Variants in ZCCHC7 observed in about 807,000 individuals in gnomAD.
ZCCHC7 encodes zinc finger CCHC-type containing 7, also known as zinc finger CCHC domain-containing protein 7.
A neutral mutation model predicts 52.0 loss-of-function variants in ZCCHC7; 35 were observed. The observed-to-expected ratio is 0.67, with a 90% confidence interval of 0.51 to 0.89. The LOEUF is 0.89. ZCCHC7 is among the 40% of genes least tolerant of loss of function. The pLI, the probability that ZCCHC7 is intolerant of heterozygous loss-of-function variation, is 0.00. For synonymous variants in ZCCHC7, 217 were observed against 221.5 expected (o/e 0.98, Z 0.18); for missense variants, 574 against 649.1 (o/e 0.88, Z 1.26).
intron 5 of ZCCHC7, among the ~76,000 whole-genome samples, chr9:37,306,849 A>C (rs1384529905): frequency 9.0e-6 from 1 of 111,674 alleles, no homozygotes; most frequent in East Asian, 3.0e-4. Context: ...GTGCAGTGGC[A>C]TGATCTTGGC....
intron 2 of ZCCHC7, among the ~76,000 whole-genome samples, chr9:37,296,645 G>A (rs1231045649): frequency 6.6e-6 from 1 of 151,430 alleles, no homozygotes; most frequent in Non-Finnish European, 1.5e-5. Flanking sequence ...TAGGCACACA[G>A]ATTATTTGGG....
chr9:37,316,868 C>CTTTTTTTT (rs34953424), intron 5 of ZCCHC7, among the ~76,000 whole-genome samples: 1 of 140,284 alleles, frequency 7.1e-6, no homozygotes, highest in Non-Finnish European at 1.5e-5. Flanking sequence ...ACATAAGCCT[C>CTTTTTTTT]TTTTTTTTTT....
intron 2 of ZCCHC7, among the ~76,000 whole-genome samples, chr9:37,176,711 A>G (rs1822053398): frequency 6.6e-6 from 1 of 152,140 alleles, no homozygotes; most frequent in Non-Finnish European, 1.5e-5. Flanking sequence ...TCAGCTTCTG[A>G]CAATGCTTAA....
intron 2 of ZCCHC7, among the ~76,000 whole-genome samples, chr9:37,233,857 TTTTTG>T (rs1160846461): frequency 6.6e-6 from 1 of 152,052 alleles, no homozygotes; most frequent in Non-Finnish European, 1.5e-5. Context: ...TTGGTGGTTG[TTTTTG>T]TTTTGTTTTG....
chr9:37,152,398 T>C (rs915545158), intron 2 of ZCCHC7, among the ~76,000 whole-genome samples: 1 of 152,210 alleles, frequency 6.6e-6, no homozygotes, highest in African/African-American at 2.4e-5. Context: ...TAACGACTTA[T>C]TAACTAAAGT....
At chr9:37,344,778 A>G (rs1263797835) in intron 6 of ZCCHC7, among the ~76,000 whole-genome samples, 2 of 152,230 alleles carry the variant, frequency 1.3e-5, no homozygotes, top group African/African-American at 4.8e-5. Context: ...GATGTGAGCA[A>G]TGACTTTTAT....
chr9:37,203,584 T>G (rs1308167555), intron 2 of ZCCHC7, among the ~76,000 whole-genome samples: 1 of 152,324 alleles, frequency 6.6e-6, no homozygotes, highest in East Asian at 1.9e-4. Context: ...TGTGTTAGTT[T>G]ACTGAGGATG....
chr9:37,137,524 A>G (rs1051511146), intron 2 of ZCCHC7, among the ~76,000 whole-genome samples: 6 of 152,206 alleles, frequency 3.9e-5, no homozygotes, highest in Non-Finnish European at 8.8e-5. Flanking sequence ...TATGTTTTGT[A>G]TATGTTCAGA....
At chr9:37,230,306 C>T (rs1825336178) in intron 2 of ZCCHC7, among the ~76,000 whole-genome samples, 1 of 152,070 alleles carries the variant, frequency 6.6e-6, no homozygotes, top group Non-Finnish European at 1.5e-5. Context: ...GGTTTGTTTA[C>T]ACAAACATGA....
intron 6 of ZCCHC7, among the ~76,000 whole-genome samples, chr9:37,336,235 G>A (rs546480927): frequency 6.6e-6 from 1 of 152,276 alleles, no homozygotes; most frequent in African/African-American, 2.4e-5. Context: ...ACTTCCAGCT[G>A]TATTCTCAGA....
intron 2 of ZCCHC7, among the ~76,000 whole-genome samples, chr9:37,207,698 C>T (rs1038896274): frequency 6.6e-6 from 1 of 151,744 alleles, no homozygotes; most frequent in African/African-American, 2.4e-5. Context: ...GATCTATGTT[C>T]ATGCCTACTA....
intron 2 of ZCCHC7, among the ~76,000 whole-genome samples, chr9:37,131,443 C>T (rs563737337): frequency 4.6e-5 from 7 of 151,702 alleles, no homozygotes; most frequent in East Asian, 1.9e-4. Flanking sequence ...GTCAGGAGTT[C>T]GAGACCAGCC....
intron 2 of ZCCHC7, among the ~76,000 whole-genome samples, chr9:37,159,032 T>C (rs1364128333): frequency 6.7e-6 from 1 of 148,266 alleles, no homozygotes; most frequent in East Asian, 2.0e-4. Context: ...ATCATTGGCT[T>C]GTCTGTTTGG....
At chr9:37,140,120 C>CAATCCTGTAAGTTAGTCCTT (rs1809351016) in intron 2 of ZCCHC7, among the ~76,000 whole-genome samples, 1 of 151,958 alleles carries the variant, frequency 6.6e-6, no homozygotes, top group South Asian at 2.1e-4. Context: ...CAACCACAAT[C>CAATCCTGTAAGTTAGTCCTT]AATCCTGTAA....
At chr9:37,248,332 G>C (rs540933976) in intron 2 of ZCCHC7, among the ~76,000 whole-genome samples, 5 of 152,276 alleles carry the variant, frequency 3.3e-5, no homozygotes, top group African/African-American at 9.6e-5. Context: ...TTCTAGATGT[G>C]CAATCTGTTT....
chr9:37,287,881 A>G (rs920815754), intron 2 of ZCCHC7, among the ~76,000 whole-genome samples: 3 of 151,988 alleles, frequency 2.0e-5, no homozygotes, highest in Non-Finnish European at 4.4e-5. Flanking sequence ...GGTTTTTATC[A>G]GGACATATTA....
At chr9:37,331,985 A>G (rs1433044281) in intron 6 of ZCCHC7, among the ~76,000 whole-genome samples, 1 of 151,674 alleles carries the variant, frequency 6.6e-6, no homozygotes, top group African/African-American at 2.4e-5. Flanking sequence ...TCATAAGCTA[A>G]TACATTATAA....
chr9:37,283,931 A>AT (rs918652644), intron 2 of ZCCHC7, among the ~76,000 whole-genome samples: 54 of 145,682 alleles, frequency 3.7e-4, no homozygotes, highest in South Asian at 8.7e-4. Context: ...TGAGCTGCTT[A>AT]TTTTTTTTTT....
chr9:37,269,982 A>T (rs1229786257), intron 2 of ZCCHC7, among the ~76,000 whole-genome samples: 2 of 152,144 alleles, frequency 1.3e-5, no homozygotes, highest in Non-Finnish European at 2.9e-5. Context: ...ATCTGAGGAA[A>T]ATAGAGGGCT....
Sources: gnomAD v4.1 joint callset for allele counts (sites outside exome capture counted in the v4.1 genomes callset) on GRCh38, gnomAD v4.1.1 for gene constraint, MANE v1.5 for transcripts, NCBI Gene and HGNC (gene_info 2026-07-23, HGNC 2026-07-21) for gene names.